The following RASAL2 variants were observed in gnomAD, a reference collection of about 807,000 sequenced individuals.
RASAL2 encodes the protein RAS protein activator like 2, also known as ras GTPase-activating protein nGAP.
In RASAL2, 58 loss-of-function variants were observed where a neutral mutation model predicts 128.9. That is an observed-to-expected ratio of 0.45 (90% CI 0.36 to 0.56). The LOEUF is 0.56. RASAL2 is among the 20% of genes least tolerant of loss of function. The pLI is 0.00. For synonymous variants in RASAL2, 561 were observed against 580.8 expected, an observed-to-expected ratio of 0.97 and a Z score of 0.49; for missense variants, 1,360 against 1,601.6, an observed-to-expected ratio of 0.85 and a Z score of 2.57.
At chr1:178,325,053 G>A (rs1557902836) in intron 3 of RASAL2, among the ~76,000 whole-genome samples, 1 of 151,964 alleles carries the variant, frequency 6.6e-6, no homozygotes, top group Non-Finnish European at 1.5e-5. Context: ...TTTTCCTGTT[G>A]TCTTCAGATA....
rs1660987765 is a variant in RASAL2, at chr1:178,153,768, A to G, written c.202+59074A>G. Among the ~76,000 whole-genome samples the G allele has an allele frequency of 2.6e-5, 4 of 152,084 alleles. No homozygotes were observed. The South Asian group carries it at 8.3e-4, about 31-fold the overall frequency. ...GTGTACAAATTTTTGTGCAGACACA[A>G]GTTTTTTTTTTCTTGTGTATATAGA... is the stretch of plus-strand genomic sequence containing the variant. On this transcript the variant is annotated intron_variant, in intron 1 of 17. Coordinates refer to ENST00000367649, the MANE Select transcript of RASAL2 (RefSeq NM_170692.4).
At chr1:178,456,641 G>A in intron 12 of RASAL2, 80 bp from the exon 13 acceptor site, 9 of 1,462,410 alleles carry the variant, frequency 6.2e-6, no homozygotes, top group Non-Finnish European at 8.6e-6. Context: ...TCCATCAATG[G>A]CCATCGTTGT....
At chr1:178,206,425 A>G (rs1034542372) in intron 1 of RASAL2, among the ~76,000 whole-genome samples, 3 of 152,266 alleles carry the variant, frequency 2.0e-5, no homozygotes, top group South Asian at 2.1e-4. Context: ...GACACTTGCT[A>G]TGTTATCTCA....
At chr1:178,111,018 A>C (rs1193954833) in intron 1 of RASAL2, among the ~76,000 whole-genome samples, 1 of 152,132 alleles carries the variant, frequency 6.6e-6, no homozygotes, top group African/African-American at 2.4e-5. Flanking sequence ...TGGAAGGTCA[A>C]CTGTAAGTGG....
At chr1:178,347,647 A>T (rs1379918234) in intron 3 of RASAL2, among the ~76,000 whole-genome samples, 1 of 152,234 alleles carries the variant, frequency 6.6e-6, no homozygotes, top group East Asian at 1.9e-4. Context: ...AATGAGAAAA[A>T]AGAAAATACC....
intron 1 of RASAL2, among the ~76,000 whole-genome samples, chr1:178,209,144 A>G (rs1217737925): frequency 6.6e-6 from 1 of 152,072 alleles, no homozygotes; most frequent in Non-Finnish European, 1.5e-5. Flanking sequence ...ATTTTATATT[A>G]AATTATCCCA....
Position 178,458,068 on chromosome 1 carries a change from G to T in RASAL2, c.2776G>T (p.Val926Phe), listed in dbSNP as rs780253661. 6.2e-7 allele frequency: 1 copy of T among 1,614,134 alleles called. No homozygotes were observed. The highest frequency in any genetic ancestry group is 1.1e-5 in the South Asian group (1 of 91,080). Reference protein sequence around the residue: ...GLQPLSFQNPVYHLNNPIPAM... With the variant: ...GLQPLSFQNPFYHLNNPIPAM... ...TCAGCCCTTGTCGTTCCAGAACCCTGTCTATCACCTCAATAACCCAATTCC... is the reference window on the plus strand; with the variant it reads ...TCAGCCCTTGTCGTTCCAGAACCCTTTCTATCACCTCAATAACCCAATTCC... The change falls in exon 14 of 18, where the codon GTC becomes TTC. Residue 926 changes from valine (V) to phenylalanine (F), a missense_variant. Coordinates refer to ENST00000367649, the MANE Select transcript of RASAL2 (RefSeq NM_170692.4).
At chr1:178,342,952 A>C (rs1669962510) in intron 3 of RASAL2, among the ~76,000 whole-genome samples, 1 of 151,996 alleles carries the variant, frequency 6.6e-6, no homozygotes, top group Non-Finnish European at 1.5e-5. Flanking sequence ...GTCTTCATAC[A>C]TTTTCATTTA....
intron 5 of RASAL2, among the ~76,000 whole-genome samples, chr1:178,428,807 A>G (rs997042222): frequency 6.6e-6 from 1 of 152,080 alleles, no homozygotes; most frequent in Non-Finnish European, 1.5e-5. Context: ...GCCCCAGCCA[A>G]ACCAGTTACA....
At chr1:178,160,578 T>C (rs2101893570) in intron 1 of RASAL2, among the ~76,000 whole-genome samples, 1 of 152,274 alleles carries the variant, frequency 6.6e-6, no homozygotes, top group East Asian at 1.9e-4. Flanking sequence ...GAGGTTGCAG[T>C]GAGCCGAGAT....
In RASAL2 at chr1:178,464,377, G is replaced by C. The variant is rs1647425491; in HGVS notation, c.3352G>C (p.Glu1118Gln). 6.2e-7 allele frequency: 1 copy of C among 1,613,788 alleles called. No individual in the cohort carries two copies. Among genetic ancestry groups the C allele is most frequent in the Non-Finnish European group, 8.5e-7 (1 of 1,179,812 alleles). Residue 1118 changes from glutamate (E) to glutamine (Q), a missense_variant, in exon 15 of 18, where the codon GAG (glutamate) becomes CAG (glutamine). This residue lies in a region of RASAL2 where 741 missense variants were observed against 868.6 expected (regional missense o/e 0.85). Transcript: ENST00000367649. ...GTATGAAGAGGATGTGGAAGAAACT[G>C]AGCAAAATCTAGATGAAGCCAAGCA... ...GQYEEDVEETEQNLDEAKHAE... is the reference protein window; with the variant it reads ...GQYEEDVEETQQNLDEAKHAE...
At chr1:178,400,876 G>A (rs1227556901) in intron 4 of RASAL2, among the ~76,000 whole-genome samples, 2 of 152,006 alleles carry the variant, frequency 1.3e-5, no homozygotes, top group African/African-American at 4.8e-5. Context: ...TCAGCTTCCC[G>A]AGTAGGTGGG....
intron 3 of RASAL2, among the ~76,000 whole-genome samples, chr1:178,329,697 C>CT (rs1669198300): frequency 1.3e-5 from 2 of 152,006 alleles, no homozygotes; most frequent in South Asian, 4.2e-4. Flanking sequence ...GCTAATGTAT[C>CT]TGTCAAGTAT....
intron 1 of RASAL2, among the ~76,000 whole-genome samples, chr1:178,250,521 G>A (rs1002337493): frequency 5.9e-5 from 9 of 152,230 alleles, no homozygotes; most frequent in African/African-American, 1.9e-4. Flanking sequence ...GTTTGGGAGT[G>A]GGACTCGCTG....
intron 2 of RASAL2, 125 bp downstream of exon 2, chr1:178,283,816 A>C (rs935236752): frequency 8.7e-7 from 1 of 1,143,220 alleles, no homozygotes; most frequent in Non-Finnish European, 1.2e-6. Context: ...AGATATAGGT[A>C]AGTCTAAAAG....
chr1:178,136,450 T>C (rs963557839), intron 1 of RASAL2, among the ~76,000 whole-genome samples: 3 of 152,104 alleles, frequency 2.0e-5, no homozygotes, highest in Non-Finnish European at 4.4e-5. Context: ...TCTTAGATAC[T>C]CTATTTTTTC....
chr1:178,408,612 G>GTTTTTTT (rs756656921), intron 4 of RASAL2, among the ~76,000 whole-genome samples: 2 of 142,480 alleles, frequency 1.4e-5, no homozygotes, highest in African/African-American at 5.7e-5. Flanking sequence ...GTTTTTTTTT[G>GTTTTTTT]TTTTTTGTTT....
intron 3 of RASAL2, among the ~76,000 whole-genome samples, chr1:178,338,728 C>T (rs1669717303): frequency 6.6e-6 from 1 of 152,224 alleles, no homozygotes; most frequent in African/African-American, 2.4e-5. Context: ...TAAGCACTTA[C>T]TATGTGGCAG....
At chr1:178,436,173 A>G (rs1477326715) in intron 5 of RASAL2, among the ~76,000 whole-genome samples, 1 of 152,114 alleles carries the variant, frequency 6.6e-6, no homozygotes, top group Non-Finnish European at 1.5e-5. Flanking sequence ...CTTCCTGTTT[A>G]CTATAATCTT....
Sources: gnomAD v4.1 joint callset for allele counts (sites outside exome capture counted in the v4.1 genomes callset) on GRCh38, gnomAD v4.1.1 for gene constraint, gnomAD v4.1.1 regional missense constraint, MANE v1.5 for transcripts, NCBI Gene and HGNC (gene_info 2026-07-23, HGNC 2026-07-21) for gene names.